Variants in CATSPERT observed in about 807,000 individuals in gnomAD.
CATSPERT encodes cation channel sperm-associated targeting subunit tau.
chr2:201,603,148 G>C, the CATSPERT span: 5 of 1,380,436 alleles, frequency 3.6e-6, no homozygotes, highest in Non-Finnish European at 5.0e-6. Flanking sequence ...GTTTTGGAAT[G>C]GTTTGTAATG....
chr2:201,585,272 A>G, the CATSPERT span, among the ~76,000 whole-genome samples: 28 of 152,156 alleles, frequency 1.8e-4, no homozygotes, highest in African/African-American at 6.5e-4. Flanking sequence ...CTTAGGAGAA[A>G]TACCTAATGT....
At chr2:201,542,609 A>G in the CATSPERT span, among the ~76,000 whole-genome samples, 1 of 152,202 alleles carries the variant, frequency 6.6e-6, no homozygotes, top group Non-Finnish European at 1.5e-5. Flanking sequence ...CTGATGATTA[A>G]TGATGATAAA....
chr2:201,600,865 C>T, the CATSPERT span, among the ~76,000 whole-genome samples: 1 of 152,072 alleles, frequency 6.6e-6, no homozygotes, highest in African/African-American at 2.4e-5. Flanking sequence ...GATTCTCCTG[C>T]CTCAGCCTCC....
At chr2:201,562,866 A>G in the CATSPERT span, among the ~76,000 whole-genome samples, 112,313 of 122,700 alleles carry the variant, frequency 0.92, 51,527 homozygotes, top group South Asian at 0.98. Context: ...CCAAGGCAGA[A>G]GAATTTTTCT....
the CATSPERT span, among the ~76,000 whole-genome samples, chr2:201,502,698 A>G: frequency 3.2e-4 from 48 of 151,992 alleles, no homozygotes; most frequent in Non-Finnish European, 5.9e-4. Context: ...ATTCTTAGTA[A>G]TGTGATTATT....
the CATSPERT span, chr2:201,536,019 A>C: frequency 6.2e-7 from 1 of 1,612,792 alleles, no homozygotes; most frequent in Non-Finnish European, 8.5e-7. Context: ...CCTCAAATTT[A>C]CCTCTGATAG....
the CATSPERT span, chr2:201,565,936 C>G: frequency 7.0e-7 from 1 of 1,427,146 alleles, no homozygotes; most frequent in African/African-American, 1.4e-5. Context: ...AAATCAGTGG[C>G]AGCTATCACT....
the CATSPERT span, among the ~76,000 whole-genome samples, chr2:201,551,287 A>T: frequency 6.6e-6 from 1 of 152,186 alleles, no homozygotes; most frequent in South Asian, 2.1e-4. Context: ...TTTATTATAA[A>T]ATTTAAAATG....
chr2:201,487,662 C>G, the CATSPERT span: 1 of 1,613,566 alleles, frequency 6.2e-7, no homozygotes, highest in Non-Finnish European at 8.5e-7. Context: ...ATTTCATAAT[C>G]TGATGTTTTA....
the CATSPERT span, among the ~76,000 whole-genome samples, chr2:201,609,687 A>G: frequency 6.6e-6 from 1 of 152,226 alleles, no homozygotes; most frequent in Non-Finnish European, 1.5e-5. Context: ...ATACAGCAAA[A>G]GCAGTGCTAA....
chr2:201,591,706 T>C, the CATSPERT span, among the ~76,000 whole-genome samples: 28 of 152,304 alleles, frequency 1.8e-4, no homozygotes, highest in African/African-American at 6.7e-4. Context: ...TTCACATCCC[T>C]TGTAAGTTGG....
chr2:201,505,394 C>T, the CATSPERT span, among the ~76,000 whole-genome samples: 1 of 152,102 alleles, frequency 6.6e-6, no homozygotes, highest in Admixed American at 6.5e-5. Context: ...AGAAGGTTCA[C>T]TTTTCTAAGC....
the CATSPERT span, among the ~76,000 whole-genome samples, chr2:201,490,368 T>C: frequency 2.4e-4 from 37 of 152,286 alleles, no homozygotes; most frequent in East Asian, 6.2e-3. Flanking sequence ...CAAAGATAAT[T>C]CGCTATGTGA....
chr2:201,535,326 A>G, the CATSPERT span: 3 of 983,312 alleles, frequency 3.1e-6, no homozygotes, highest in African/African-American at 1.7e-5. Context: ...ATATCTTTTT[A>G]TACCATTTGA....
the CATSPERT span, among the ~76,000 whole-genome samples, chr2:201,505,604 G>C: frequency 6.9e-6 from 1 of 145,868 alleles, no homozygotes; most frequent in African/African-American, 2.7e-5. Context: ...CATCAAGATT[G>C]TCAAAGTCAT....
At chr2:201,511,864 A>AC in the CATSPERT span, 7 of 149,076 alleles carry the variant, frequency 4.7e-5, no homozygotes, top group Admixed American at 6.7e-5. Context: ...AAAAAAAAAA[A>AC]AAAAAAAAAC....
At chr2:201,511,273 G>A in the CATSPERT span, among the ~76,000 whole-genome samples, 57 of 152,172 alleles carry the variant, frequency 3.7e-4, no homozygotes, top group Non-Finnish European at 6.8e-4. Context: ...TCTACTTTTC[G>A]TACTTATCCT....
the CATSPERT span, chr2:201,556,947 A>G: frequency 5.9e-5 from 9 of 152,132 alleles, no homozygotes; most frequent in Non-Finnish European, 1.0e-4. Flanking sequence ...AGAAATTATC[A>G]TAACTATTAC....
the CATSPERT span, among the ~76,000 whole-genome samples, chr2:201,500,665 A>G: frequency 6.6e-6 from 1 of 152,184 alleles, no homozygotes; most frequent in Non-Finnish European, 1.5e-5. Flanking sequence ...CCCTTCAGTA[A>G]CATGCTCATG....
Sources: gnomAD v4.1 joint callset for allele counts (sites outside exome capture counted in the v4.1 genomes callset) on GRCh38, gnomAD v4.1.1 for gene constraint, MANE v1.5 for transcripts, NCBI Gene and HGNC (gene_info 2026-07-23, HGNC 2026-07-21) for gene names.